The following HPSE2 variants were observed in gnomAD, a reference collection of about 807,000 sequenced individuals.
HPSE2 encodes the protein heparanase 2 (inactive).
In HPSE2, 38 loss-of-function variants were observed where a neutral mutation model predicts 60.5. That is an observed-to-expected ratio of 0.63 (90% CI 0.48 to 0.82). HPSE2 has a LOEUF of 0.82. Ranked by LOEUF, HPSE2 falls within the 40% of genes least tolerant of loss-of-function variation. HPSE2 has a pLI of 0.00. For synonymous variants in HPSE2, 295 were observed against 293.2 expected (o/e 1.01, Z -0.06); for missense variants, 713 against 740.4 (o/e 0.96, Z 0.43).
intron 3 of HPSE2, among the ~76,000 whole-genome samples, chr10:99,138,865 C>T (rs2135761714): frequency 6.6e-6 from 1 of 152,242 alleles, no homozygotes; most frequent in Middle Eastern, 3.4e-3. Context: ...ATGTTCTGCA[C>T]ATGTACCCCA....
chr10:98,483,827 A>C lies in HPSE2; in HGVS notation c.1467-1045T>G, dbSNP rs531323758. On this transcript the variant is annotated intron_variant, in intron 10 of 11. Coordinates refer to ENST00000370552, the MANE Select transcript of HPSE2 (RefSeq NM_021828.5). Reference sequence around the variant, plus strand: ...TGGACAAGTAGTGTGAATGAGAAATAAATTTTCTTATTGAAAGCCTTGGAG... The same window carrying C: ...TGGACAAGTAGTGTGAATGAGAAATCAATTTTCTTATTGAAAGCCTTGGAG... Among the ~76,000 whole-genome samples the C allele has an allele frequency of 2.6e-5, 4 of 152,338 alleles. No homozygotes were observed. The South Asian group carries it at 8.3e-4, about 32-fold the overall frequency.
intron 5 of HPSE2, among the ~76,000 whole-genome samples, chr10:98,710,876 A>AT (rs1215520200): frequency 6.6e-6 from 1 of 151,960 alleles, no homozygotes; most frequent in Non-Finnish European, 1.5e-5. Flanking sequence ...TTGGCCTAAG[A>AT]TTTTTTCTCA....
Position 98,782,884 on chromosome 10 carries a change from T to A in HPSE2, c.611-38828A>T, listed in dbSNP as rs548232321. Among the ~76,000 whole-genome samples the A allele has an allele frequency of 3.6e-5, 5 of 137,012 alleles. No homozygotes were observed. The South Asian group carries it at 1.0e-3, about 28-fold the overall frequency. 89.9% of individuals were successfully genotyped at this position (137,012 alleles called of 152,430 possible). A position where few individuals can be genotyped will look rare whatever the true frequency, so the allele number is the denominator to read the frequency against. ...TTTGATGAAGAGTTAGAATAATGGG[T>A]TGAGTGGGTCTACTTCCCTGTTTGT... On this transcript the variant is annotated intron_variant, in intron 3 of 11. Coordinates refer to ENST00000370552, the MANE Select transcript of HPSE2 (RefSeq NM_021828.5).
chr10:98,840,508 C>T (rs994220131), intron 3 of HPSE2, among the ~76,000 whole-genome samples: 2 of 152,012 alleles, frequency 1.3e-5, no homozygotes, highest in Admixed American at 6.5e-5. Flanking sequence ...ATAAGGGCTT[C>T]GACTAGGGTG....
At chr10:99,037,521 T>G (rs1390575581) in intron 3 of HPSE2, among the ~76,000 whole-genome samples, 3 of 152,052 alleles carry the variant, frequency 2.0e-5, no homozygotes, top group Non-Finnish European at 2.9e-5. Context: ...ACATGGTATA[T>G]AATTCAAAGG....
intron 2 of HPSE2, among the ~76,000 whole-genome samples, chr10:99,209,117 T>C (rs931375033): frequency 2.0e-5 from 3 of 152,152 alleles, no homozygotes; most frequent in African/African-American, 7.2e-5. Flanking sequence ...AAACTGGACA[T>C]GAACAATACT....
rs184557793 is a variant in HPSE2 at position 98,551,564 on chromosome 10, C to T, written c.1321-61368G>A. Among the ~76,000 whole-genome samples the T allele has an allele frequency of 2.7e-3, 415 of 152,278 alleles. 3 individuals carry two copies. Among genetic ancestry groups the T allele is most frequent in the African/African-American group, 9.2e-3 (384 of 41,550 alleles). ...AATTTTCTCTCTCTGGAATCAGAGA[C>T]GCAAACTGGCTGACACAAAGACTGA... On this transcript the variant is annotated intron_variant, in intron 9 of 11. Coordinates refer to ENST00000370552, the MANE Select transcript of HPSE2 (RefSeq NM_021828.5).
chr10:99,012,454 C>A (rs147348928), intron 3 of HPSE2, among the ~76,000 whole-genome samples: 92 of 151,348 alleles, frequency 6.1e-4, no homozygotes, highest in African/African-American at 2.2e-3. Flanking sequence ...ACAAGCAGCT[C>A]AATGATTTGG....
rs1469710320 is a variant in HPSE2, at chr10:98,930,561, A to G, written c.611-186505T>C. On this transcript the variant is annotated intron_variant, in intron 3 of 11. Coordinates refer to ENST00000370552, the MANE Select transcript of HPSE2 (RefSeq NM_021828.5). ...TTCTAAATCTTTGAGGAGTTACCAC[A>G]CTGTCTTCCACAATGGCTGAACTAA... Among the ~76,000 whole-genome samples the G allele has an allele frequency of 1.4e-5, 2 of 144,608 alleles. 1 individual carries two copies. The highest frequency in any genetic ancestry group is 5.6e-5 in the African/African-American group (2 of 35,824). 94.9% of individuals were successfully genotyped at this position (144,608 alleles called of 152,430 possible).
the HPSE2 span, among the ~76,000 whole-genome samples, chr10:99,311,950 A>C: frequency 6.6e-6 from 1 of 152,226 alleles, no homozygotes; most frequent in Non-Finnish European, 1.5e-5. Context: ...AGAAAGTTTT[A>C]GTGGTCTAGA....
chr10:99,289,059 TG>T, the HPSE2 span, among the ~76,000 whole-genome samples: 1 of 152,142 alleles, frequency 6.6e-6, no homozygotes, highest in Admixed American at 6.6e-5. Context: ...TTTTTTCACA[TG>T]GTAACATTCT....
chr10:98,884,339 T>G (rs1169362918), intron 3 of HPSE2, among the ~76,000 whole-genome samples: 2 of 152,142 alleles, frequency 1.3e-5, no homozygotes, highest in African/African-American at 4.8e-5. Context: ...TTGTTGAAGG[T>G]GGCTACACTG....
rs1457218664 is a variant in HPSE2, at chr10:99,144,307, C to G, written c.541G>C (p.Ala181Pro). ...AGAAGAACCAGATGCATCTGAGCTGCCTTCTCCCTTTGGAGCTCCAGCATA... is the reference window on the plus strand; with the variant it reads ...AGAAGAACCAGATGCATCTGAGCTGGCTTCTCCCTTTGGAGCTCCAGCATA... ...DVMLELQREK[A>P]AQMHLVLLKE... The change falls in exon 3 of 12, where the codon GCA (alanine) becomes CCA (proline). Residue 181 changes from alanine to proline, a missense_variant. Coordinates refer to ENST00000370552, the MANE Select transcript of HPSE2 (RefSeq NM_021828.5). The G allele has an allele frequency of 1.1e-5, 17 of 1,614,090 alleles. No individual in the cohort carries two copies. Among genetic ancestry groups the G allele is most frequent in the Non-Finnish European group, 1.4e-5 (17 of 1,180,012 alleles).
chr10:99,017,960 C>T (rs1957179194), intron 3 of HPSE2, among the ~76,000 whole-genome samples: 1 of 151,970 alleles, frequency 6.6e-6, no homozygotes, highest in African/African-American at 2.4e-5. Context: ...CTTTTACTAC[C>T]CTAGCAGAGG....
chr10:99,024,756 AG>A (rs757746522), intron 3 of HPSE2, among the ~76,000 whole-genome samples: 9 of 152,202 alleles, frequency 5.9e-5, no homozygotes, highest in Non-Finnish European at 1.3e-4. Flanking sequence ...GAGAATGGCA[AG>A]ACATATTTAA....
chr10:98,953,987 G>C (rs1297261799), intron 3 of HPSE2, among the ~76,000 whole-genome samples: 1 of 152,150 alleles, frequency 6.6e-6, no homozygotes, highest in Non-Finnish European at 1.5e-5. Flanking sequence ...TTACTATTGA[G>C]AAGAAATATG....
intron 3 of HPSE2, among the ~76,000 whole-genome samples, chr10:98,893,279 C>A (rs1224829183): frequency 6.6e-6 from 1 of 152,030 alleles, no homozygotes; most frequent in East Asian, 1.9e-4. Flanking sequence ...GTTGGTCAGG[C>A]TGGTCTCGAA....
chr10:98,461,397 A>T (rs913239696), intron 11 of HPSE2, among the ~76,000 whole-genome samples: 2 of 105,550 alleles, frequency 1.9e-5, no homozygotes, highest in Non-Finnish European at 3.9e-5. Flanking sequence ...TCTGGAAGGC[A>T]TGGGGTGGGA....
At chr10:98,720,434 CAT>C (rs1948894379) in intron 5 of HPSE2, among the ~76,000 whole-genome samples, 1 of 151,996 alleles carries the variant, frequency 6.6e-6, no homozygotes, top group South Asian at 2.1e-4. Context: ...CATGATCTTG[CAT>C]TAATTAAAAT....
Sources: gnomAD v4.1 joint callset for allele counts (sites outside exome capture counted in the v4.1 genomes callset) on GRCh38, gnomAD v4.1.1 for gene constraint, MANE v1.5 for transcripts, NCBI Gene and HGNC (gene_info 2026-07-23, HGNC 2026-07-21) for gene names.